The following KIF6 variants were observed in gnomAD, a reference collection of about 807,000 sequenced individuals.
KIF6 encodes kinesin-like protein KIF6.
KIF6 carries 106 observed loss-of-function variants against 112.7 expected under a neutral mutation model. The observed-to-expected ratio is 0.94, with a 90% CI of 0.80 to 1.11. KIF6 has a LOEUF of 1.11. KIF6 is among the 50% of genes least tolerant of loss of function. KIF6 has a pLI of 0.00. For synonymous variants in KIF6, 339 were observed against 339.9 expected (o/e 1.00, Z 0.03); for missense variants, 929 against 964.0 (o/e 0.96, Z 0.48).
chr6:39,465,741 C>T (rs929265259), intron 13 of KIF6, among the ~76,000 whole-genome samples: 1 of 152,138 alleles, frequency 6.6e-6, no homozygotes, highest in Non-Finnish European at 1.5e-5. Flanking sequence ...TTTCTTCTGC[C>T]ACTCCCCACC....
chr6:39,642,334 T>C (rs1456764011), intron 3 of KIF6, among the ~76,000 whole-genome samples: 1 of 152,124 alleles, frequency 6.6e-6, no homozygotes, highest in African/African-American at 2.4e-5. Context: ...ACCATGAGCT[T>C]TGTGGTATTT....
chr6:39,362,292 G>A, intron 17 of KIF6, 142 bp downstream of exon 17: 1 of 683,890 alleles, frequency 1.5e-6, no homozygotes, highest in African/African-American at 1.8e-5. Flanking sequence ...CTGCTCAAAG[G>A]CAGCCCCTCC....
intron 13 of KIF6, among the ~76,000 whole-genome samples, chr6:39,518,004 A>G (rs1777175201): frequency 6.6e-6 from 1 of 152,226 alleles, no homozygotes; most frequent in African/African-American, 2.4e-5. Flanking sequence ...GGTCAAAGGA[A>G]TTTACTGAGA....
At chr6:39,344,859 T>C (rs1049306126) in intron 21 of KIF6, among the ~76,000 whole-genome samples, 1 of 151,988 alleles carries the variant, frequency 6.6e-6, no homozygotes, top group African/African-American at 2.4e-5. Context: ...TTGCCACAAC[T>C]AAAAAAACTA....
In KIF6 at chr6:39,674,490, T is replaced by C. The variant is rs144856463; in HGVS notation, c.252-34733A>G. ...CTTTATATCTCAGATGCATACCGTATACACAAAGGCCCAGAGTGCGCACTT... is the reference window on the plus strand; with the variant it reads ...CTTTATATCTCAGATGCATACCGTACACACAAAGGCCCAGAGTGCGCACTT... On this transcript the variant is annotated intron_variant, in intron 3 of 22. Coordinates refer to ENST00000287152, the MANE Select transcript of KIF6 (RefSeq NM_145027.6). Among the ~76,000 whole-genome samples the C allele has an allele frequency of 5.0e-3, 763 of 152,204 alleles. 4 individuals are homozygous for C. Among genetic ancestry groups the C allele is most frequent in the Non-Finnish European group, 7.8e-3 (529 of 68,016 alleles).
chr6:39,510,383 C>T (rs539352089), intron 13 of KIF6, among the ~76,000 whole-genome samples: 4 of 152,222 alleles, frequency 2.6e-5, no homozygotes, highest in East Asian at 1.9e-4. Context: ...TGAGCCACCA[C>T]GTCCGGCTCA....
chr6:39,341,510 C>T (rs1184293838), intron 22 of KIF6, among the ~76,000 whole-genome samples: 1 of 152,226 alleles, frequency 6.6e-6, no homozygotes, highest in Non-Finnish European at 1.5e-5. Flanking sequence ...CTTCAGAGGA[C>T]ATTGTACTCA....
intron 10 of KIF6, among the ~76,000 whole-genome samples, chr6:39,548,999 G>A (rs949421807): frequency 3.9e-5 from 6 of 152,190 alleles, no homozygotes; most frequent in African/African-American, 1.4e-4. Context: ...CTGAACACAT[G>A]ACTTCGCTGA....
At chr6:39,377,361 T>TCC (rs1275240955) in intron 16 of KIF6, among the ~76,000 whole-genome samples, 5 of 48,470 alleles carry the variant, frequency 1.0e-4, no homozygotes, top group African/African-American at 4.8e-4. Context: ...CCGTCCCCCA[T>TCC]CCCCCCCCAA....
intron 4 of KIF6, among the ~76,000 whole-genome samples, chr6:39,638,736 G>C (rs1784755790): frequency 6.6e-6 from 1 of 152,054 alleles, no homozygotes; most frequent in African/African-American, 2.4e-5. Flanking sequence ...TTATACAGAA[G>C]TAATACAACC....
chr6:39,408,239 T>C (rs986138173), intron 15 of KIF6, among the ~76,000 whole-genome samples: 5 of 152,150 alleles, frequency 3.3e-5, no homozygotes, highest in South Asian at 4.1e-4. Context: ...CAAGCAAGGA[T>C]GCAGGGAAAT....
At position 39,545,619 on chromosome 6, in the gene KIF6, A is replaced by G. The variant is rs778822073; in HGVS notation, c.1251T>C (p.Asp417=). 14 of 1,613,632 alleles carry G rather than the reference A, an allele frequency of 8.7e-6. No homozygotes were observed. The highest frequency in any genetic ancestry group is 1.2e-5 in the Non-Finnish European group (14 of 1,179,694). The change falls in exon 11 of 23, where the codon GAT becomes GAC. Residue 417 remains aspartate (D), a synonymous_variant. Coordinates refer to ENST00000287152, the MANE Select transcript of KIF6 (RefSeq NM_145027.6). ...DSDSRLEVGA[D]MRKVHHCFHH... ...GAAAACAGTGATGAACTTTACGCAT[A>G]TCCGCGCCAACCTCTAATCTACTGT...
At position 39,404,010 on chromosome 6, in the gene KIF6, T is replaced by C. The variant is rs535908977; in HGVS notation, c.1810+15938A>G. On this transcript the variant is annotated intron_variant, in intron 15 of 22. Coordinates refer to ENST00000287152, the MANE Select transcript of KIF6 (RefSeq NM_145027.6). ...CCATTTTTAAAATAAATGAACTGTTTGTTTTCTGAGTGTTGAATTTTGAGA... is the reference window on the plus strand; with the variant it reads ...CCATTTTTAAAATAAATGAACTGTTCGTTTTCTGAGTGTTGAATTTTGAGA... Among the ~76,000 whole-genome samples, 5 of 152,148 alleles carry C rather than the reference T, an allele frequency of 3.3e-5. 1 individual carries two copies. In the South Asian group the frequency reaches 1.0e-3, roughly 32 times the overall value.
intron 13 of KIF6, among the ~76,000 whole-genome samples, chr6:39,506,888 A>G (rs981683541): frequency 1.3e-5 from 2 of 152,160 alleles, no homozygotes; most frequent in South Asian, 2.1e-4. Flanking sequence ...GGGCTGGTGA[A>G]TATATCAAGG....
chr6:39,363,676 A>G (rs1050320140), intron 16 of KIF6, among the ~76,000 whole-genome samples: 1 of 152,208 alleles, frequency 6.6e-6, no homozygotes. Flanking sequence ...AGACTCTGCT[A>G]CAGTCCATGT....
chr6:39,700,930 C>A (rs1033778021), intron 3 of KIF6, among the ~76,000 whole-genome samples: 1 of 152,086 alleles, frequency 6.6e-6, no homozygotes, highest in Non-Finnish European at 1.5e-5. Flanking sequence ...GAACTCCTGA[C>A]CTCAGGTGAT....
At chr6:39,552,974 C>T (rs1296821528) in intron 10 of KIF6, among the ~76,000 whole-genome samples, 3 of 152,128 alleles carry the variant, frequency 2.0e-5, no homozygotes, top group African/African-American at 4.8e-5. Context: ...AGGACTATGA[C>T]CAAAGGAAAC....
chr6:39,477,212 G>A (rs879578011), intron 13 of KIF6, among the ~76,000 whole-genome samples: 1 of 152,158 alleles, frequency 6.6e-6, no homozygotes, highest in Non-Finnish European at 1.5e-5. Flanking sequence ...AACCCCCTGT[G>A]TTGACAAGGC....
intron 4 of KIF6, 55 bp from the exon 5 acceptor site, chr6:39,635,013 G>A: frequency 1.1e-6 from 1 of 929,246 alleles, no homozygotes; most frequent in East Asian, 2.4e-5. Flanking sequence ...ATTCTGCTTA[G>A]ATGAAGATGA....
Sources: gnomAD v4.1 joint callset for allele counts (sites outside exome capture counted in the v4.1 genomes callset) on GRCh38, gnomAD v4.1.1 for gene constraint, MANE v1.5 for transcripts, NCBI Gene and HGNC (gene_info 2026-07-23, HGNC 2026-07-21) for gene names.